The following SLC16A14 variants were observed in gnomAD, a reference collection of about 807,000 sequenced individuals.
The protein encoded by SLC16A14 is monocarboxylate transporter 14.
A neutral mutation model predicts 35.8 loss-of-function variants in SLC16A14; 14 were observed. The ratio of observed to expected loss-of-function variants is 0.39; its 90% CI spans 0.26 to 0.61. The LOEUF (loss-of-function observed/expected upper bound fraction) is 0.61, where lower values mean the gene tolerates loss of function less well. Ranked by LOEUF, SLC16A14 falls within the 20% of genes least tolerant of loss-of-function variation. The probability of loss-of-function intolerance (pLI) is 0.51; values close to 1 mark genes in which losing one functional copy is unlikely to be tolerated. For missense variants in SLC16A14, 533 were observed against 655.0 expected, an observed-to-expected ratio of 0.81 and a Z score of 2.03; for synonymous variants, 248 against 258.9, an observed-to-expected ratio of 0.96 and a Z score of 0.40.
intron 4 of SLC16A14, among the ~76,000 whole-genome samples, chr2:230,040,074 G>C (rs1391207191): frequency 6.6e-6 from 1 of 151,856 alleles, no homozygotes; most frequent in Non-Finnish European, 1.5e-5. Context: ...CCCCCTTCTG[G>C]GTGGGATAGT....
intron 4 of SLC16A14, among the ~76,000 whole-genome samples, chr2:230,045,453 G>A (rs1577386463): frequency 6.6e-6 from 1 of 152,246 alleles, no homozygotes; most frequent in East Asian, 1.9e-4. Flanking sequence ...CCAGCTACAT[G>A]GGAGGCTAAG....
chr2:230,056,607 C>T (rs982714081), intron 2 of SLC16A14, among the ~76,000 whole-genome samples: 1 of 151,896 alleles, frequency 6.6e-6, no homozygotes, highest in East Asian at 1.9e-4. Flanking sequence ...GTGGCTCACA[C>T]CTGTAATCCC....
intron 1 of SLC16A14, among the ~76,000 whole-genome samples, chr2:230,065,112 C>G (rs940971782): frequency 2.0e-5 from 3 of 152,194 alleles, no homozygotes; most frequent in African/African-American, 7.2e-5. Flanking sequence ...TATATTCTTA[C>G]TGAATTATTT....
rs553631225 is a variant in SLC16A14, at chr2:230,037,297, C to T, written c.*83G>A. ...AGTTACCGTACAAAATGCTTTCCCACGTCCTGTCATAGGTGCCTCACAGCA... is the reference window on the plus strand; with the variant it reads ...AGTTACCGTACAAAATGCTTTCCCATGTCCTGTCATAGGTGCCTCACAGCA... On this transcript the variant is annotated 3_prime_UTR_variant, in exon 5 of 5. Coordinates refer to ENST00000295190, the MANE Select transcript of SLC16A14 (RefSeq NM_152527.5). 41 of 1,345,956 alleles carry T rather than the reference C, an allele frequency of 3.0e-5. 1 individual carries two copies. The highest frequency in any genetic ancestry group is 1.9e-4 in the Middle Eastern group (1 of 5,244). 83.4% of individuals were successfully genotyped at this position (1,345,956 alleles called of 1,614,324 possible).
At chr2:230,057,471 TA>T (rs2077715010) in intron 2 of SLC16A14, among the ~76,000 whole-genome samples, 1 of 151,874 alleles carries the variant, frequency 6.6e-6, no homozygotes, top group African/African-American at 2.4e-5. Flanking sequence ...AACAATTTTT[TA>T]AAAAAAGAAA....
chr2:230,039,271 T>C (rs2077541062), intron 4 of SLC16A14, among the ~76,000 whole-genome samples: 1 of 152,066 alleles, frequency 6.6e-6, no homozygotes, highest in African/African-American at 2.4e-5. Flanking sequence ...CTGGATCTAC[T>C]TTAAAAGTAA....
chr2:230,044,477 C>CAAA (rs34590061), intron 4 of SLC16A14, among the ~76,000 whole-genome samples: 37 of 134,488 alleles, frequency 2.8e-4, no homozygotes, highest in Admixed American at 8.3e-4. Flanking sequence ...GATTCCGTCT[C>CAAA]AAAAAAAAAA....
At position 230,046,847 on chromosome 2, in the gene SLC16A14, AGC is replaced by A; in HGVS notation, c.404-127_404-126del. On this transcript the variant is annotated intron_variant, in intron 3 of 4. Coordinates refer to ENST00000295190, the MANE Select transcript of SLC16A14 (RefSeq NM_152527.5). This position sits in a 1 kb window ranked among gnomAD's most constrained non-coding sequence, Gnocchi z 5.0. Reference sequence around the variant, plus strand: ...TATTTATGCTTTTTATTTCTAACAAAGCAATAACACTGATTATTTAAAAAGCA... The same window carrying A: ...TATTTATGCTTTTTATTTCTAACAAAAATAACACTGATTATTTAAAAAGCA... The A allele has an allele frequency of 8.7e-7, 1 of 1,147,882 alleles. No homozygotes were observed. The highest frequency in any genetic ancestry group is 1.2e-6 in the Non-Finnish European group (1 of 839,038). The allele number at this position is 1,147,882 out of a possible 1,614,324, so 71.1% of individuals were successfully genotyped here. A position where few individuals can be genotyped will look rare whatever the true frequency, so the allele number is the denominator to read the frequency against.
chr2:230,052,371 A>G (rs551324229), intron 2 of SLC16A14, among the ~76,000 whole-genome samples: 7 of 152,364 alleles, frequency 4.6e-5, no homozygotes, highest in African/African-American at 1.7e-4. Context: ...AGTTAGAGAT[A>G]CTTGTCTGAT....
At chr2:230,057,697 C>A (rs550054840) in intron 2 of SLC16A14, among the ~76,000 whole-genome samples, 2 of 152,130 alleles carry the variant, frequency 1.3e-5, no homozygotes, top group African/African-American at 4.8e-5. Flanking sequence ...GAAGATTTTT[C>A]AATAATGAAA....
At chr2:230,051,998 G>A (rs891742007) in intron 2 of SLC16A14, among the ~76,000 whole-genome samples, 3 of 150,150 alleles carry the variant, frequency 2.0e-5, no homozygotes, top group African/African-American at 4.9e-5. Flanking sequence ...GTGCAGTGGC[G>A]CGATCTCGAC....
rs554753796 is a variant in SLC16A14 at position 230,038,675 on chromosome 2, C to G, written c.1382-1144G>C. Among the ~76,000 whole-genome samples, 1 of 152,070 alleles carries G rather than the reference C, an allele frequency of 6.6e-6. No individual in the cohort carries two copies. The highest frequency in any genetic ancestry group is 2.4e-5 in the African/African-American group (1 of 41,402). ...ATCCCAGCACTTTGGGAGACCAAGG[C>G]GGGCAGATCACATGAAGCCAGGAGT... On this transcript the variant is annotated intron_variant, in intron 4 of 4. Coordinates refer to ENST00000295190, the MANE Select transcript of SLC16A14 (RefSeq NM_152527.5). This position sits in a 1 kb window ranked among gnomAD's most constrained non-coding sequence, Gnocchi z 4.4.
At chr2:230,067,565 TCTCTCTCA>T (rs1334713506) in intron 1 of SLC16A14, among the ~76,000 whole-genome samples, 3 of 42,560 alleles carry the variant, frequency 7.0e-5, no homozygotes, top group African/African-American at 1.7e-4. Context: ...TCTCTCTCTC[TCTCTCTCA>T]CACACACACA....
At position 230,057,280 on chromosome 2, in the gene SLC16A14, T is replaced by C. The variant is rs371758836; in HGVS notation, c.259+1814A>G. 7.2e-5 allele frequency among the ~76,000 whole-genome samples: 11 copies of C among 152,310 alleles called. No individual in the cohort carries two copies. The East Asian group carries it at 2.1e-3, about 29-fold the overall frequency. The stretch of plus-strand genomic sequence containing the variant: ...ATATTAATTGACAGTAAGAGTTATT[T>C]CATTTTCAAACTGAAACACATTAGC... On this transcript the variant is annotated intron_variant, in intron 2 of 4. Transcript: ENST00000295190.
Position 230,059,385 on chromosome 2 carries a change from A to G in SLC16A14, c.-14-19T>C. 1 of 1,512,872 alleles carries G rather than the reference A, an allele frequency of 6.6e-7. No homozygotes were observed. The highest frequency in any genetic ancestry group is 8.9e-7 in the Non-Finnish European group (1 of 1,124,840). The allele number at this position is 1,512,872 out of a possible 1,614,324, so 93.7% of individuals were successfully genotyped here. On this transcript the variant is annotated intron_variant, in intron 1 of 4. Transcript: ENST00000295190. ...GATTTTTCTGAAATACATATAACAA[A>G]TAATTTCATGGAACATCAAAAGGAA...
chr2:230,059,394 TG>T, intron 1 of SLC16A14, 28 bp from the exon 2 acceptor site: 1 of 1,496,416 alleles, frequency 6.7e-7, no homozygotes, highest in Non-Finnish European at 9.0e-7. Flanking sequence ...AATAATTTCA[TG>T]GAACATCAAA....
Position 230,053,011 on chromosome 2 carries a change from G to A in SLC16A14, c.260-3107C>T, listed in dbSNP as rs113201089. Among the ~76,000 whole-genome samples, 1,056 of 151,508 alleles carry A rather than the reference G, an allele frequency of 7.0e-3. 11 individuals are homozygous for A. Among genetic ancestry groups the A allele is most frequent in the African/African-American group, 0.024 (989 of 41,222 alleles). On this transcript the variant is annotated intron_variant, in intron 2 of 4. Transcript: ENST00000295190. Reference sequence around the variant, plus strand: ...GGCTGGAGTGCAGTGGTGCCATCTCGGCTCACTGCAACCTCTGCCTCCTGG... The same window carrying A: ...GGCTGGAGTGCAGTGGTGCCATCTCAGCTCACTGCAACCTCTGCCTCCTGG...
chr2:230,044,704 T>TTGTGTGTGTG (rs751868776), intron 4 of SLC16A14, among the ~76,000 whole-genome samples: 146 of 132,570 alleles, frequency 1.1e-3, no homozygotes, highest in South Asian at 5.9e-3. Context: ...AAGTCTGTAT[T>TTGTGTGTGTG]TGTGTGTGTG....
In SLC16A14 at chr2:230,046,994, A is replaced by G. The variant is rs1299049839; in HGVS notation, c.404-272T>C. Among the ~76,000 whole-genome samples the G allele has an allele frequency of 3.3e-5, 5 of 152,200 alleles. No individual in the cohort carries two copies. The highest frequency in any genetic ancestry group is 7.3e-5 in the Non-Finnish European group (5 of 68,032). ...TAACAAAATGGAGCAGCATTCTCCC[A>G]TCAGAAAAATAGAAGCTCCAGGCAG... On this transcript the variant is annotated intron_variant, in intron 3 of 4. Transcript: ENST00000295190. The surrounding 1 kb of genome is among the most constrained non-coding windows in gnomAD (Gnocchi z 5.0).
Sources: gnomAD v4.1 joint callset for allele counts (sites outside exome capture counted in the v4.1 genomes callset) on GRCh38, gnomAD v4.1.1 for gene constraint, Gnocchi (gnomAD v3.1) non-coding constraint, MANE v1.5 for transcripts, NCBI Gene and HGNC (gene_info 2026-07-23, HGNC 2026-07-21) for gene names.